TMCC3: variants seen among roughly 807,000 people sequenced by gnomAD.
The protein encoded by TMCC3 is transmembrane and coiled-coil domain family 3.
A neutral mutation model predicts 40.2 loss-of-function variants in TMCC3; 28 were observed. The ratio of observed to expected loss-of-function variants is 0.70; its 90% CI spans 0.52 to 0.95. The LOEUF is 0.95. Ranked by LOEUF, TMCC3 falls within the 40% of genes least tolerant of loss-of-function variation. The probability of loss-of-function intolerance (pLI) is 0.00; values close to 1 mark genes in which losing one functional copy is unlikely to be tolerated. For synonymous variants in TMCC3, 255 were observed against 248.5 expected, an observed-to-expected ratio of 1.03 and a Z score of -0.25; for missense variants, 554 against 615.2, an observed-to-expected ratio of 0.90 and a Z score of 1.05.
Position 94,581,127 on chromosome 12 carries a change from C to T in TMCC3, c.995+495G>A, listed in dbSNP as rs4628743. On this transcript the variant is annotated intron_variant, in intron 2 of 3. Coordinates refer to ENST00000261226, the MANE Select transcript of TMCC3 (RefSeq NM_020698.4). ...ATTTTGGAATATTTGCATATATATA[C>T]GGAGATACCTCAAAAATGGGACCCA... 3.4e-3 allele frequency among the ~76,000 whole-genome samples: 523 copies of T among 152,176 alleles called. 3 individuals are homozygous for T. Among genetic ancestry groups the T allele is most frequent in the African/African-American group, 0.012 (480 of 41,506 alleles).
chr12:94,649,685 C>A (rs1175736548), intron 1 of TMCC3, among the ~76,000 whole-genome samples: 2 of 152,244 alleles, frequency 1.3e-5, no homozygotes, highest in African/African-American at 4.8e-5. Flanking sequence ...ATTTTGAAGC[C>A]CTACAGGGCT....
chr12:94,608,002 A>G (rs2625933), intron 1 of TMCC3, among the ~76,000 whole-genome samples: 141,695 of 152,278 alleles, frequency 0.93, 66,116 homozygotes, highest in African/African-American at 0.97. Flanking sequence ...TAAATATACC[A>G]TAAGTACCAC....
chr12:94,650,089 G>GA (rs927763826), intron 1 of TMCC3, among the ~76,000 whole-genome samples: 33 of 152,248 alleles, frequency 2.2e-4, no homozygotes, highest in African/African-American at 7.9e-4. Context: ...GGCCGTCGGG[G>GA]AACCGGGCGT....
chr12:94,596,606 A>C (rs1213207563), intron 1 of TMCC3, among the ~76,000 whole-genome samples: 1 of 152,136 alleles, frequency 6.6e-6, no homozygotes, highest in Non-Finnish European at 1.5e-5. Flanking sequence ...CAGGTATTTG[A>C]ATAACACATT....
rs1398398838 is a variant in TMCC3, at chr12:94,568,383, A to C, written c.*3052T>G. On this transcript the variant is annotated 3_prime_UTR_variant, in exon 4 of 4. Transcript: ENST00000261226. ...TATGTCACCAGATAAACCCAGTGCT[A>C]GAATCCAATGTCCAGCATCTTCAAC... The C allele has an allele frequency of 2.6e-5, 4 of 151,878 alleles. No individual in the cohort carries two copies. The highest frequency in any genetic ancestry group is 9.7e-5 in the African/African-American group (4 of 41,320). The allele number at this position is 151,878 out of a possible 1,614,324, so 9.4% of individuals were successfully genotyped here. A position where few individuals can be genotyped will look rare whatever the true frequency, so the allele number is the denominator to read the frequency against.
At chr12:94,649,154 T>A (rs951790556) in intron 1 of TMCC3, among the ~76,000 whole-genome samples, 2 of 152,150 alleles carry the variant, frequency 1.3e-5, no homozygotes, top group East Asian at 1.9e-4. Context: ...ACTCAAATCA[T>A]CCTTCCAAAA....
At position 94,571,131 on chromosome 12, in the gene TMCC3, A is replaced by G; in HGVS notation, c.*304T>C. The G allele has an allele frequency of 3.1e-6, 1 of 318,072 alleles. No homozygotes were observed. Among genetic ancestry groups the G allele is most frequent in the Admixed American group, 4.5e-5 (1 of 22,046 alleles). The allele number at this position is 318,072 out of a possible 1,614,324, so 19.7% of individuals were successfully genotyped here. ...GAGACCTCTTTCTTCAGGATCACCA[A>G]TTATGCCAAGGTCTCAATATACAGA... On this transcript the variant is annotated 3_prime_UTR_variant, in exon 4 of 4. Coordinates refer to ENST00000261226, the MANE Select transcript of TMCC3 (RefSeq NM_020698.4).
intron 3 of TMCC3, among the ~76,000 whole-genome samples, chr12:94,577,292 A>G (rs1290006): frequency 0.42 from 63,907 of 151,752 alleles, 13,856 homozygotes; most frequent in Middle Eastern, 0.47. Context: ...GGATTCAAGC[A>G]ATTCTCCCGC....
intron 1 of TMCC3, among the ~76,000 whole-genome samples, chr12:94,650,128 C>A (rs984110842): frequency 5.9e-5 from 9 of 152,206 alleles, no homozygotes; most frequent in African/African-American, 1.9e-4. Context: ...ACCTGGGCGC[C>A]GTGAGGGGCA....
chr12:94,601,583 G>A (rs540151628), intron 1 of TMCC3, among the ~76,000 whole-genome samples: 2 of 151,606 alleles, frequency 1.3e-5, no homozygotes, highest in South Asian at 2.1e-4. Context: ...CCAACATTGT[G>A]GGGGGGCGAG....
intron 1 of TMCC3, among the ~76,000 whole-genome samples, chr12:94,631,878 G>A (rs1463323775): frequency 6.6e-6 from 1 of 152,190 alleles, no homozygotes; most frequent in Non-Finnish European, 1.5e-5. Flanking sequence ...AAACAGGTAA[G>A]TTCAGAAAAA....
At position 94,587,038 on chromosome 12, in the gene TMCC3, C is replaced by A. The variant is rs1254721244; in HGVS notation, c.79-4500G>T. On this transcript the variant is annotated intron_variant, in intron 1 of 3. Transcript: ENST00000261226. ...CAGCTACACCTATCATTGTTAGATGCCTGTAAATTCCCTGAACACAAACTG... is the reference window on the plus strand; with the variant it reads ...CAGCTACACCTATCATTGTTAGATGACTGTAAATTCCCTGAACACAAACTG... Among the ~76,000 whole-genome samples the A allele has an allele frequency of 4.6e-5, 7 of 152,308 alleles. No homozygotes were observed. The South Asian group carries it at 8.3e-4, about 18-fold the overall frequency.
At chr12:94,650,114 G>C (rs1190591661) in intron 1 of TMCC3, among the ~76,000 whole-genome samples, 1 of 152,120 alleles carries the variant, frequency 6.6e-6, no homozygotes, top group African/African-American at 2.4e-5. Context: ...CATAGCGCGC[G>C]GGGACCTGGG....
intron 1 of TMCC3, among the ~76,000 whole-genome samples, chr12:94,644,665 G>A (rs1240390206): frequency 6.6e-6 from 1 of 152,146 alleles, no homozygotes. Flanking sequence ...AGGCTCTTTA[G>A]AACAAAACAA....
At chr12:94,628,884 C>G (rs566322596) in intron 1 of TMCC3, among the ~76,000 whole-genome samples, 1 of 152,304 alleles carries the variant, frequency 6.6e-6, no homozygotes, top group East Asian at 1.9e-4. Flanking sequence ...TTCCAAACAG[C>G]AAATAAAACC....
In TMCC3 at chr12:94,581,726, G is replaced by A; in HGVS notation, c.891C>T (p.Ile297=). 6.2e-7 allele frequency: 1 copy of A among 1,614,166 alleles called. No individual in the cohort carries two copies. The highest frequency in any genetic ancestry group is 8.5e-7 in the Non-Finnish European group (1 of 1,180,018). Residue 297 remains isoleucine, a synonymous_variant, in exon 2 of 4, where the codon ATC becomes ATT. Transcript: ENST00000261226. ...CAGCCAGCTGAGCTTGGGTATCCTT[G>A]ATCTCCCTCAGTTCCTCCAGGATCA... ...LAVILEELRE[I]KDTQAQLAED...
intron 1 of TMCC3, among the ~76,000 whole-genome samples, chr12:94,639,427 C>CA (rs1265153059): frequency 6.6e-6 from 1 of 151,798 alleles, no homozygotes; most frequent in Non-Finnish European, 1.5e-5. Flanking sequence ...ACCAAAAATA[C>CA]AAAAAAATTA....
At chr12:94,597,118 AAAATAC>A (rs1467341279) in intron 1 of TMCC3, among the ~76,000 whole-genome samples, 1 of 69,882 alleles carries the variant, frequency 1.4e-5, no homozygotes, top group African/African-American at 5.8e-5. Flanking sequence ...TGTCTCTATT[AAAATAC>A]ATATATATAT....
chr12:94,600,272 T>C (rs2068745336), intron 1 of TMCC3, among the ~76,000 whole-genome samples: 1 of 140,094 alleles, frequency 7.1e-6, no homozygotes, highest in Non-Finnish European at 1.5e-5. Context: ...GGCTTGGTGG[T>C]TTCTCTCCAG....
Sources: gnomAD v4.1 joint callset for allele counts (sites outside exome capture counted in the v4.1 genomes callset) on GRCh38, gnomAD v4.1.1 for gene constraint, MANE v1.5 for transcripts, NCBI Gene and HGNC (gene_info 2026-07-23, HGNC 2026-07-21) for gene names.